The following SEL1L variants were observed in gnomAD, a reference collection of about 807,000 sequenced individuals.
The protein encoded by SEL1L is protein sel-1 homolog 1.
Under a neutral mutation model 109.8 loss-of-function variants are expected in SEL1L, and 52 were observed. The ratio of observed to expected loss-of-function variants is 0.47; its 90% CI spans 0.38 to 0.60. The LOEUF (loss-of-function observed/expected upper bound fraction) is 0.60, where lower values mean the gene tolerates loss of function less well. Among genes scored for constraint, SEL1L ranks in the 20% least tolerant of loss-of-function variants. The pLI, the probability that SEL1L is intolerant of heterozygous loss-of-function variation, is 0.00. For synonymous variants in SEL1L, 373 were observed against 339.6 expected, an observed-to-expected ratio of 1.10 and a Z score of -1.08; for missense variants, 749 against 962.2, an observed-to-expected ratio of 0.78 and a Z score of 2.93.
intron 3 of SEL1L, among the ~76,000 whole-genome samples, chr14:81,525,718 G>C (rs1170682037): frequency 3.3e-5 from 5 of 151,944 alleles, no homozygotes; most frequent in Admixed American, 3.3e-4. Context: ...TTTGGTTTAT[G>C]GTACCATATA....
At chr14:81,525,762 T>C (rs557325138) in intron 3 of SEL1L, among the ~76,000 whole-genome samples, 34 of 152,262 alleles carry the variant, frequency 2.2e-4, no homozygotes, top group African/African-American at 7.5e-4. Context: ...CCATTAACTA[T>C]CAAATTGAAA....
At chr14:81,529,834 C>T (rs1267653249) in intron 1 of SEL1L, among the ~76,000 whole-genome samples, 4 of 152,184 alleles carry the variant, frequency 2.6e-5, no homozygotes, top group Non-Finnish European at 5.9e-5. Flanking sequence ...TTGTTTATAA[C>T]CTAGGAACTT....
At chr14:81,486,713 G>C (rs1204740955) in intron 16 of SEL1L, among the ~76,000 whole-genome samples, 3 of 151,388 alleles carry the variant, frequency 2.0e-5, no homozygotes, top group Admixed American at 1.3e-4. Context: ...CCCGGGCACT[G>C]TTGTAATGAT....
At chr14:81,504,415 A>G (rs1884146535) in intron 4 of SEL1L, 109 bp from the exon 5 acceptor site, 2 of 674,362 alleles carry the variant, frequency 3.0e-6, no homozygotes, top group Non-Finnish European at 4.5e-6. Flanking sequence ...ATGATCTTTC[A>G]CTATTCCCAA....
At chr14:81,499,069 T>C in intron 8 of SEL1L, 2 of 888,850 alleles carry the variant, frequency 2.3e-6, no homozygotes, top group Non-Finnish European at 2.7e-6. Flanking sequence ...TATTGTATAA[T>C]ATTTCATGTT....
chr14:81,489,984 A>G (rs1461278624), intron 13 of SEL1L, among the ~76,000 whole-genome samples: 1 of 152,208 alleles, frequency 6.6e-6, no homozygotes, highest in Non-Finnish European at 1.5e-5. Context: ...GACATACAAG[A>G]TTTCAGGTAC....
At chr14:81,501,558 T>G (rs1406330666) in intron 6 of SEL1L, among the ~76,000 whole-genome samples, 1 of 152,222 alleles carries the variant, frequency 6.6e-6, no homozygotes, top group African/African-American at 2.4e-5. Context: ...AATTGTTAGG[T>G]ATTCAGTTCT....
In SEL1L at chr14:81,533,793, T is replaced by C; in HGVS notation, c.-49A>G. 1 of 1,570,592 alleles carries C rather than the reference T, an allele frequency of 6.4e-7. No individual in the cohort carries two copies. The highest frequency in any genetic ancestry group is 8.7e-7 in the Non-Finnish European group (1 of 1,149,262). ...CCCCTAGAGCTGTCGCCTTCGCCTC[T>C]GCCACCACGGACTCAGCCACCACCG... On this transcript the variant is annotated 5_prime_UTR_variant, in exon 1 of 21. Coordinates refer to ENST00000336735, the MANE Select transcript of SEL1L (RefSeq NM_005065.6).
In SEL1L at chr14:81,484,314, G is replaced by C; in HGVS notation, c.1957C>G (p.His653Asp). The change falls in exon 19 of 21, where the codon CAT (histidine) becomes GAT (aspartate). Residue 653 changes from histidine (H) to aspartate (D), a missense_variant. This residue lies in a region of SEL1L where 383 missense variants were observed against 562.5 expected (regional missense o/e 0.68). Coordinates refer to ENST00000336735, the MANE Select transcript of SEL1L (RefSeq NM_005065.6). The part of the protein sequence containing the change: ...TDVDYETAFI[H>D]YRLASEQQHS... ...TGCTGCTCAGAAGCCAGACGGTAATGAATAAATGCAGTTTCATAATCTACA... is the reference window on the plus strand; with the variant it reads ...TGCTGCTCAGAAGCCAGACGGTAATCAATAAATGCAGTTTCATAATCTACA... 1 of 1,614,098 alleles carries C rather than the reference G, an allele frequency of 6.2e-7. No homozygotes were observed. The highest frequency in any genetic ancestry group is 8.5e-7 in the Non-Finnish European group (1 of 1,179,976).
At chr14:81,503,035 C>T (rs1400757661) in intron 5 of SEL1L, 152 bp from the exon 6 acceptor site, 5 of 646,182 alleles carry the variant, frequency 7.7e-6, no homozygotes, top group Non-Finnish European at 1.3e-5. Context: ...TCTTGTTGTC[C>T]CGGCTGGAGT....
Position 81,533,793 on chromosome 14 carries a change from T to TGCCACCACGGACTCAGCC in SEL1L, c.-67_-50dup, listed in dbSNP as rs1555349147. 6.4e-6 allele frequency: 10 copies of TGCCACCACGGACTCAGCC among 1,570,592 alleles called. No individual in the cohort carries two copies. The highest frequency in any genetic ancestry group is 3.5e-5 in the Admixed American group (2 of 57,078). On this transcript the variant is annotated 5_prime_UTR_variant, in exon 1 of 21. Coordinates refer to ENST00000336735, the MANE Select transcript of SEL1L (RefSeq NM_005065.6). The stretch of plus-strand genomic sequence containing the variant: ...CCCCTAGAGCTGTCGCCTTCGCCTC[T>TGCCACCACGGACTCAGCC]GCCACCACGGACTCAGCCACCACCG...
At chr14:81,500,252 G>A (rs770293448) in intron 6 of SEL1L, among the ~76,000 whole-genome samples, 50 of 151,848 alleles carry the variant, frequency 3.3e-4, no homozygotes, top group South Asian at 1.5e-3. Flanking sequence ...TATTTTTTCC[G>A]AGACAGAGTC....
intron 19 of SEL1L, among the ~76,000 whole-genome samples, chr14:81,483,631 T>A (rs1386087948): frequency 6.6e-6 from 1 of 152,230 alleles, no homozygotes; most frequent in Non-Finnish European, 1.5e-5. Context: ...ATTATTGTTA[T>A]TTAGATTCTA....
intron 3 of SEL1L, among the ~76,000 whole-genome samples, chr14:81,514,175 C>T (rs1381694851): frequency 6.6e-6 from 1 of 152,236 alleles, no homozygotes. Context: ...GCCCAAAGCC[C>T]CATCGGGGCG....
At chr14:81,498,332 T>C (rs991837493) in intron 9 of SEL1L, 81 bp downstream of exon 9, 2 of 1,197,982 alleles carry the variant, frequency 1.7e-6, no homozygotes, top group Admixed American at 2.3e-5. Context: ...ATACTTCAAA[T>C]AGAACAATAA....
chr14:81,488,071 T>A, intron 14 of SEL1L, 129 bp from the exon 15 acceptor site: 1 of 629,598 alleles, frequency 1.6e-6, no homozygotes, highest in Admixed American at 2.9e-5. Flanking sequence ...AAAAGACCAC[T>A]TTCTAATTCT....
chr14:81,518,882 C>G (rs1482426431), intron 3 of SEL1L, among the ~76,000 whole-genome samples: 1 of 152,012 alleles, frequency 6.6e-6, no homozygotes, highest in Non-Finnish European at 1.5e-5. Context: ...TGGCCAATGA[C>G]CTAGGGAGTA....
intron 1 of SEL1L, among the ~76,000 whole-genome samples, chr14:81,528,457 T>C (rs1595539475): frequency 6.6e-6 from 1 of 152,164 alleles, no homozygotes; most frequent in East Asian, 1.9e-4. Flanking sequence ...GTTGTCTGAT[T>C]ACATTAATTT....
intron 3 of SEL1L, among the ~76,000 whole-genome samples, chr14:81,518,199 G>A (rs376988849): frequency 4.6e-5 from 7 of 151,474 alleles, no homozygotes; most frequent in African/African-American, 1.2e-4. Flanking sequence ...GGCTTGGGAC[G>A]GAACTTCTTG....
Sources: gnomAD v4.1 joint callset for allele counts (sites outside exome capture counted in the v4.1 genomes callset) on GRCh38, gnomAD v4.1.1 for gene constraint, gnomAD v4.1.1 regional missense constraint, MANE v1.5 for transcripts, NCBI Gene and HGNC (gene_info 2026-07-23, HGNC 2026-07-21) for gene names.